The following KAT6A variants were observed in gnomAD, a reference collection of about 807,000 sequenced individuals.
KAT6A encodes the protein lysine acetyltransferase 6A.
Under a neutral mutation model 198.4 loss-of-function variants are expected in KAT6A, and 9 were observed. The ratio of observed to expected loss-of-function variants is 0.05; its 90% CI spans 0.03 to 0.08. KAT6A has a LOEUF of 0.08. Ranked by LOEUF, KAT6A falls within the 10% of genes least tolerant of loss-of-function variation. KAT6A has a pLI of 1.00. For missense variants in KAT6A, 2,077 were observed against 2,509.9 expected (o/e 0.83, Z 3.69); for synonymous variants, 890 against 883.0 (o/e 1.01, Z -0.14).
intron 8 of KAT6A, among the ~76,000 whole-genome samples, chr8:41,972,937 C>T (rs929359938): frequency 1.3e-5 from 2 of 152,188 alleles, no homozygotes; most frequent in Admixed American, 1.3e-4. Flanking sequence ...ACTAGAGTAC[C>T]TATAATAACT....
intron 7 of KAT6A, among the ~76,000 whole-genome samples, chr8:41,976,014 A>C (rs553558543): frequency 7.2e-4 from 110 of 152,362 alleles, no homozygotes; most frequent in African/African-American, 2.5e-3. Context: ...AGAGTCTTGA[A>C]TGCTTAAAGA....
chr8:41,941,616 T>C (rs1034012471), intron 14 of KAT6A, among the ~76,000 whole-genome samples, 172 bp from the exon 15 acceptor site: 1 of 152,230 alleles, frequency 6.6e-6, no homozygotes, highest in Non-Finnish European at 1.5e-5. Context: ...TTAAATTCTG[T>C]ATATGCATTA....
chr8:41,991,226 T>C (rs1043223412), intron 2 of KAT6A, among the ~76,000 whole-genome samples: 1 of 152,196 alleles, frequency 6.6e-6, no homozygotes, highest in African/African-American at 2.4e-5. Context: ...ATAATACATT[T>C]TATTCAAACA....
At chr8:41,946,464 G>A (rs965843938) in intron 12 of KAT6A, 127 bp downstream of exon 12, 12 of 504,342 alleles carry the variant, frequency 2.4e-5, no homozygotes, top group African/African-American at 2.1e-4. Flanking sequence ...AGCCAACAAA[G>A]CACCTACAAA....
At chr8:41,990,349 G>A (rs1243375705) in intron 2 of KAT6A, among the ~76,000 whole-genome samples, 2 of 152,170 alleles carry the variant, frequency 1.3e-5, no homozygotes, top group Non-Finnish European at 2.9e-5. Flanking sequence ...AGGACTTGAT[G>A]GCTAATTGCT....
chr8:41,942,674 G>T, intron 14 of KAT6A, 119 bp downstream of exon 14: 1 of 1,125,194 alleles, frequency 8.9e-7, no homozygotes, highest in Non-Finnish European at 1.2e-6. Context: ...TAAAACTCTT[G>T]ACATTCTAAT....
At chr8:41,978,569 A>C in intron 6 of KAT6A, 73 bp downstream of exon 6, 1 of 1,480,164 alleles carries the variant, frequency 6.8e-7, no homozygotes. Context: ...TTCATAGAGA[A>C]AACAAGTGAA....
rs561973856 is a variant in KAT6A, at chr8:42,000,914, A to G, written c.601-13351T>C. On this transcript the variant is annotated intron_variant, in intron 2 of 16. Coordinates refer to ENST00000265713, the MANE Select transcript of KAT6A (RefSeq NM_006766.5). ...AAGTGACATTCAAAGTCAGGTAGAT[A>G]TTCTGACTCCAAGTTCATAACTCTA... Among the ~76,000 whole-genome samples the G allele has an allele frequency of 2.6e-5, 4 of 152,324 alleles. No homozygotes were observed. The East Asian group carries it at 7.7e-4, about 29-fold the overall frequency.
At position 41,933,316 on chromosome 8, in the gene KAT6A, G is replaced by A. The variant is rs1821663621; in HGVS notation, c.4904C>T (p.Pro1635Leu). The A allele has an allele frequency of 6.3e-7, 1 of 1,575,630 alleles. No individual in the cohort carries two copies. The highest frequency in any genetic ancestry group is 1.3e-5 in the African/African-American group (1 of 74,640). The change falls in exon 17 of 17, where the codon CCT becomes CTT. Residue 1635 changes from proline (P) to leucine (L), a missense_variant. Coordinates refer to ENST00000265713, the MANE Select transcript of KAT6A (RefSeq NM_006766.5). The surrounding 1 kb of genome is among the most constrained non-coding windows in gnomAD (Gnocchi z 6.2). ...QPAANCSIKS[P>L]QSCVVERPPS... is the part of the protein sequence containing the mutation. ...AGGCCTCTCCACCACGCAGCTCTGAGGTGACTTGATGCTGCAGTTGGCAGC... is the reference window on the plus strand; with the variant it reads ...AGGCCTCTCCACCACGCAGCTCTGAAGTGACTTGATGCTGCAGTTGGCAGC...
At chr8:42,003,823 A>G (rs114973782) in intron 2 of KAT6A, among the ~76,000 whole-genome samples, 1,602 of 152,262 alleles carry the variant, frequency 0.011, 34 homozygotes, top group African/African-American at 0.037. Flanking sequence ...TATAAGAGAA[A>G]GAGAAATCAG....
chr8:42,040,867 A>G (rs1372079819), intron 2 of KAT6A, among the ~76,000 whole-genome samples: 1 of 151,886 alleles, frequency 6.6e-6, no homozygotes, highest in Non-Finnish European at 1.5e-5. Context: ...TATGTCATGC[A>G]CTGAAAATTA....
chr8:41,975,265 T>C (rs1823993103), intron 7 of KAT6A, among the ~76,000 whole-genome samples: 1 of 152,162 alleles, frequency 6.6e-6, no homozygotes, highest in East Asian at 1.9e-4. Flanking sequence ...CTTTTAAAGT[T>C]AAAGCACAAA....
chr8:41,933,280 T>G lies in KAT6A; in HGVS notation c.4940A>C (p.Gln1647Pro), dbSNP rs751631857. 3 of 1,578,790 alleles carry G rather than the reference T, an allele frequency of 1.9e-6. No individual in the cohort carries two copies. The African/African-American group carries it at 4.0e-5, about 21-fold the overall frequency. Residue 1647 changes from glutamine (Q) to proline (P), a missense_variant, in exon 17 of 17, where the codon CAG (glutamine) becomes CCG (proline). This residue lies in a region of KAT6A where 500 missense variants were observed against 577.2 expected (regional missense o/e 0.87). Transcript: ENST00000265713. This position sits in a 1 kb window ranked among gnomAD's most constrained non-coding sequence, Gnocchi z 6.2. ...SCVVERPPSNQQQQPPPPPPQ... is the reference protein window; with the variant it reads ...SCVVERPPSNPQQQPPPPPPQ... Reference sequence around the variant, plus strand: ...AGGCGGTGGTGGCGGCTGCTGCTGCTGGTTACTGGGAGGCCTCTCCACCAC... The same window carrying G: ...AGGCGGTGGTGGCGGCTGCTGCTGCGGGTTACTGGGAGGCCTCTCCACCAC...
intron 2 of KAT6A, among the ~76,000 whole-genome samples, chr8:42,045,579 C>CA (rs1455278188): frequency 7.2e-6 from 1 of 139,022 alleles, no homozygotes; most frequent in Non-Finnish European, 1.6e-5. Flanking sequence ...AAAAAAAAAA[C>CA]AAAAAAACAC....
chr8:41,959,610 A>G (rs1823092278), intron 8 of KAT6A, among the ~76,000 whole-genome samples: 1 of 152,224 alleles, frequency 6.6e-6, no homozygotes, highest in South Asian at 2.1e-4. Flanking sequence ...TGACAGATGA[A>G]TGGATAAACC....
chr8:41,967,798 A>G (rs1437649379), intron 8 of KAT6A, among the ~76,000 whole-genome samples: 1 of 152,160 alleles, frequency 6.6e-6, no homozygotes, highest in Non-Finnish European at 1.5e-5. Flanking sequence ...GGAACAGAAC[A>G]GAGCCCTCAG....
In KAT6A at chr8:41,929,548, G is replaced by GA. The variant is rs908352582; in HGVS notation, c.*2656dup. On this transcript the variant is annotated 3_prime_UTR_variant, in exon 17 of 17. Coordinates refer to ENST00000265713, the MANE Select transcript of KAT6A (RefSeq NM_006766.5). ...AGAGTTCTTTTGAAAGTACTTGCTA[G>GA]AAAGGGGAAAAAAAGGTATTACATA... 5.4e-6 allele frequency: 1 copy of GA among 186,210 alleles called. No individual in the cohort carries two copies. The highest frequency in any genetic ancestry group is 2.3e-5 in the African/African-American group (1 of 42,654). The allele number at this position is 186,210 out of a possible 1,614,324, so 11.5% of individuals were successfully genotyped here.
chr8:41,957,280 C>T (rs773154389), intron 8 of KAT6A: 9 of 563,694 alleles, frequency 1.6e-5, no homozygotes, highest in South Asian at 9.7e-5. Flanking sequence ...TGTGTGAGCC[C>T]GCCTCCACTC....
intron 13 of KAT6A, 85 bp from the exon 14 acceptor site, chr8:41,943,085 C>G (rs899617476): frequency 1.9e-6 from 3 of 1,542,944 alleles, no homozygotes; most frequent in Non-Finnish European, 2.6e-6. Context: ...CCTGGTGAAG[C>G]ATGTAAGATG....
Sources: gnomAD v4.1 joint callset for allele counts (sites outside exome capture counted in the v4.1 genomes callset) on GRCh38, gnomAD v4.1.1 for gene constraint, gnomAD v4.1.1 regional missense constraint, Gnocchi (gnomAD v3.1) non-coding constraint, MANE v1.5 for transcripts, NCBI Gene and HGNC (gene_info 2026-07-23, HGNC 2026-07-21) for gene names.